TAB2: variants seen among roughly 807,000 people sequenced by gnomAD.
TAB2 encodes the protein TGF-beta-activated kinase 1 and MAP3K7-binding protein 2.
A neutral mutation model predicts 65.0 loss-of-function variants in TAB2; 3 were observed. The ratio of observed to expected loss-of-function variants is 0.05; its 90% confidence interval spans 0.02 to 0.12. The LOEUF is 0.12. Among genes scored for constraint, TAB2 ranks in the 10% least tolerant of loss-of-function variants. The pLI is 1.00. For synonymous variants in TAB2, 298 were observed against 285.1 expected (o/e 1.05, Z -0.46); for missense variants, 623 against 840.3 (o/e 0.74, Z 3.20).
intron 1 of TAB2, among the ~76,000 whole-genome samples, chr6:149,242,067 A>G (rs559380053): frequency 6.6e-6 from 1 of 152,284 alleles, no homozygotes; most frequent in African/African-American, 2.4e-5. Context: ...CCATTAGGAA[A>G]CTGAATCTCT....
intron 1 of TAB2, among the ~76,000 whole-genome samples, chr6:149,293,490 G>A (rs1226397980): frequency 6.6e-6 from 1 of 152,200 alleles, no homozygotes; most frequent in Non-Finnish European, 1.5e-5. Flanking sequence ...GAACTGGTCT[G>A]AGATGCAGCT....
intron 1 of TAB2, among the ~76,000 whole-genome samples, chr6:149,255,799 T>C (rs2114661788): frequency 6.6e-6 from 1 of 152,344 alleles, no homozygotes; most frequent in East Asian, 1.9e-4. Flanking sequence ...CAAGAAGTCA[T>C]ATTTACATTT....
intron 1 of TAB2, among the ~76,000 whole-genome samples, chr6:149,236,469 T>C (rs1777497124): frequency 6.6e-6 from 1 of 152,210 alleles, no homozygotes; most frequent in Non-Finnish European, 1.5e-5. Context: ...CCTTTTACCA[T>C]TCCTTATTCC....
chr6:149,349,135 T>A (rs1340689285), intron 1 of TAB2, among the ~76,000 whole-genome samples: 1 of 151,948 alleles, frequency 6.6e-6, no homozygotes, highest in African/African-American at 2.4e-5. Context: ...TGTAAAGTAG[T>A]CAAGGCTGGG....
At chr6:149,371,739 A>G (rs990302456) in intron 2 of TAB2, among the ~76,000 whole-genome samples, 5 of 152,218 alleles carry the variant, frequency 3.3e-5, no homozygotes, top group African/African-American at 9.6e-5. Context: ...TTAGCAGCCA[A>G]TACTAAAAGG....
At chr6:149,385,117 C>T (rs991381963) in intron 3 of TAB2, among the ~76,000 whole-genome samples, 5 of 152,086 alleles carry the variant, frequency 3.3e-5, no homozygotes, top group Admixed American at 1.3e-4. Flanking sequence ...TGAAAATTAG[C>T]TTCTTGGACT....
At chr6:149,243,774 A>C (rs1249108790) in intron 1 of TAB2, 2 of 152,252 alleles carry the variant, frequency 1.3e-5, no homozygotes, top group Non-Finnish European at 2.9e-5. Context: ...GATGAAAAGA[A>C]ATGAAATTGA....
chr6:149,383,670 C>G (rs1781694090), intron 3 of TAB2, among the ~76,000 whole-genome samples: 1 of 152,188 alleles, frequency 6.6e-6, no homozygotes, highest in Non-Finnish European at 1.5e-5. Context: ...GCAACCTTCA[C>G]CTCCCGGATT....
At chr6:149,302,873 G>A (rs1778993979) in intron 1 of TAB2, among the ~76,000 whole-genome samples, 1 of 152,202 alleles carries the variant, frequency 6.6e-6, no homozygotes, top group South Asian at 2.1e-4. Flanking sequence ...CACACAGCAG[G>A]AAGTGAGCAG....
chr6:149,329,571 A>G (rs757780794), intron 1 of TAB2, among the ~76,000 whole-genome samples: 3 of 150,404 alleles, frequency 2.0e-5, no homozygotes, highest in African/African-American at 4.9e-5. Context: ...GAGCAGGTAC[A>G]TGAATGAAAA....
intron 3 of TAB2, among the ~76,000 whole-genome samples, chr6:149,382,337 C>T (rs1195807184): frequency 6.6e-6 from 1 of 152,194 alleles, no homozygotes; most frequent in Non-Finnish European, 1.5e-5. Flanking sequence ...GTGGCTCACG[C>T]CTGTAGTCCC....
intron 2 of TAB2, among the ~76,000 whole-genome samples, chr6:149,370,499 CAT>C (rs1277783385): frequency 1.3e-5 from 2 of 152,190 alleles, no homozygotes; most frequent in Admixed American, 1.3e-4. Flanking sequence ...GCACCCCAAG[CAT>C]ATCTGATAAA....
At chr6:149,371,065 CAA>C (rs33926884) in intron 2 of TAB2, among the ~76,000 whole-genome samples, 8,807 of 71,562 alleles carry the variant, frequency 0.12, 300 homozygotes, top group East Asian at 0.43. Flanking sequence ...GACCCTATCT[CAA>C]AAAAAAAAAA....
intron 1 of TAB2, among the ~76,000 whole-genome samples, chr6:149,341,930 G>T (rs1780142752): frequency 6.6e-6 from 1 of 151,672 alleles, no homozygotes; most frequent in Admixed American, 6.6e-5. Context: ...TCATTTCCAG[G>T]TTTTAATAAT....
intron 1 of TAB2, among the ~76,000 whole-genome samples, chr6:149,229,449 T>A (rs1408838427): frequency 6.6e-6 from 1 of 151,874 alleles, no homozygotes; most frequent in Non-Finnish European, 1.5e-5. Context: ...TTCTTTTATT[T>A]TAAGGGGTGA....
At chr6:149,240,137 T>C (rs1251177945) in intron 1 of TAB2, among the ~76,000 whole-genome samples, 1 of 152,218 alleles carries the variant, frequency 6.6e-6, no homozygotes, top group African/African-American at 2.4e-5. Context: ...TTATAATTAA[T>C]TCTAAAAACT....
intron 1 of TAB2, among the ~76,000 whole-genome samples, chr6:149,355,660 T>TC (rs1466979555): frequency 8.9e-6 from 1 of 112,320 alleles, no homozygotes; most frequent in Non-Finnish European, 1.7e-5. Flanking sequence ...AGAGCAAAAC[T>TC]CCATCTCAAA....
At chr6:149,347,444 T>A (rs965936409) in intron 1 of TAB2, among the ~76,000 whole-genome samples, 11 of 152,026 alleles carry the variant, frequency 7.2e-5, no homozygotes, top group Non-Finnish European at 1.6e-4. Flanking sequence ...ATCTAGTTTT[T>A]AGTAACATAA....
chr6:149,319,837 C>T (rs1562413562), intron 1 of TAB2, among the ~76,000 whole-genome samples: 1 of 152,188 alleles, frequency 6.6e-6, no homozygotes, highest in East Asian at 1.9e-4. Context: ...TGAAATGCTA[C>T]TATTGAACCC....
Sources: gnomAD v4.1 joint callset for allele counts (sites outside exome capture counted in the v4.1 genomes callset) on GRCh38, gnomAD v4.1.1 for gene constraint, MANE v1.5 for transcripts, NCBI Gene and HGNC (gene_info 2026-07-23, HGNC 2026-07-21) for gene names.